ASCC3: variants seen among roughly 807,000 people sequenced by gnomAD.
ASCC3 encodes ASC-1 complex subunit P200.
A neutral mutation model predicts 256.3 loss-of-function variants in ASCC3; 158 were observed. That is an observed-to-expected ratio of 0.62 (90% CI 0.54 to 0.70). The LOEUF (loss-of-function observed/expected upper bound fraction) is 0.70, where lower values mean the gene tolerates loss of function less well. Ranked by LOEUF, ASCC3 falls within the 30% of genes least tolerant of loss-of-function variation. The probability of loss-of-function intolerance (pLI) is 0.00; values close to 1 mark genes in which losing one functional copy is unlikely to be tolerated. For synonymous variants in ASCC3, 948 were observed against 883.4 expected (o/e 1.07, Z -1.30); for missense variants, 2,259 against 2,626.0 (o/e 0.86, Z 3.05).
At chr6:100,602,209 T>G (rs1253847409) in intron 33 of ASCC3, among the ~76,000 whole-genome samples, 1 of 151,876 alleles carries the variant, frequency 6.6e-6, no homozygotes, top group Non-Finnish European at 1.5e-5. Flanking sequence ...CACCAGTACA[T>G]ATATGTGTTC....
intron 10 of ASCC3, among the ~76,000 whole-genome samples, chr6:100,742,798 G>C (rs931322335): frequency 2.6e-5 from 4 of 152,184 alleles, no homozygotes; most frequent in African/African-American, 9.6e-5. Context: ...ACTCCATCCT[G>C]TTTCAGGTAG....
At chr6:100,532,408 T>TATA (rs1562098670) in intron 37 of ASCC3, among the ~76,000 whole-genome samples, 302 of 37,158 alleles carry the variant, frequency 8.1e-3, no homozygotes, top group African/African-American at 0.023. Flanking sequence ...ATATATATAT[T>TATA]TTTTTTTTTT....
At position 100,629,064 on chromosome 6, in the gene ASCC3, G is replaced by C; in HGVS notation, c.4326C>G (p.Asn1442Lys). 1 of 1,613,720 alleles carries C rather than the reference G, an allele frequency of 6.2e-7. No homozygotes were observed. Among genetic ancestry groups the C allele is most frequent in the Admixed American group, 1.7e-5 (1 of 59,944 alleles). The part of the protein sequence containing the change: ...DGVSRSWQNR[N>K]YVQQVTILII... ...TGAGAATAGTGACTTGCTGAACATAGTTCCTATTTTGCCAGCTTCTGCTGA... is the reference window on the plus strand; with the variant it reads ...TGAGAATAGTGACTTGCTGAACATACTTCCTATTTTGCCAGCTTCTGCTGA... The change falls in exon 27 of 42, where the codon AAC becomes AAG. Residue 1442 changes from asparagine (N) to lysine (K), a missense_variant. Coordinates refer to ENST00000369162, the MANE Select transcript of ASCC3 (RefSeq NM_006828.4).
chr6:100,510,244 A>G, intron 40 of ASCC3, 137 bp from the exon 41 acceptor site: 1 of 922,674 alleles, frequency 1.1e-6, no homozygotes, highest in Non-Finnish European at 1.7e-6. Context: ...GATGTTTTAA[A>G]TTTTCTTCCA....
intron 3 of ASCC3, among the ~76,000 whole-genome samples, chr6:100,853,203 G>A (rs536452759): frequency 1.3e-3 from 200 of 152,132 alleles, no homozygotes; most frequent in Middle Eastern, 0.01. Context: ...TAAAATCAAA[G>A]AGTTAAATGG....
At chr6:100,834,417 C>T (rs76494678) in intron 4 of ASCC3, among the ~76,000 whole-genome samples, 1,927 of 152,236 alleles carry the variant, frequency 0.013, 19 homozygotes, top group East Asian at 0.044. Context: ...ATTAGAAGAC[C>T]TTTAGGCTTA....
chr6:100,801,832 A>G (rs1471959684), intron 5 of ASCC3, among the ~76,000 whole-genome samples: 3 of 151,478 alleles, frequency 2.0e-5, no homozygotes, highest in Non-Finnish European at 4.4e-5. Context: ...AACTCTTCAT[A>G]AAAGTTAACT....
intron 34 of ASCC3, among the ~76,000 whole-genome samples, chr6:100,594,987 C>A (rs1772210657): frequency 6.6e-6 from 1 of 151,666 alleles, no homozygotes; most frequent in South Asian, 2.1e-4. Context: ...ATATGTGGAA[C>A]CTAAAAAAGT....
intron 33 of ASCC3, among the ~76,000 whole-genome samples, chr6:100,604,679 C>G (rs1158388385): frequency 6.6e-6 from 1 of 151,854 alleles, no homozygotes; most frequent in Non-Finnish European, 1.5e-5. Context: ...CTCCTGGCCT[C>G]AAGCAATTCT....
At chr6:100,743,028 T>C (rs1582795037) in intron 10 of ASCC3, among the ~76,000 whole-genome samples, 1 of 152,224 alleles carries the variant, frequency 6.6e-6, no homozygotes, top group South Asian at 2.1e-4. Context: ...GAGTGGCTGC[T>C]CTGCCAAGAC....
chr6:100,620,501 T>A (rs189426433), intron 30 of ASCC3, among the ~76,000 whole-genome samples: 11 of 152,322 alleles, frequency 7.2e-5, no homozygotes, highest in African/African-American at 2.6e-4. Context: ...AGAACACATA[T>A]ACTCTTCTTA....
intron 39 of ASCC3, 99 bp downstream of exon 39, chr6:100,516,081 G>A (rs758293645): frequency 1.9e-5 from 27 of 1,425,694 alleles, no homozygotes; most frequent in Non-Finnish European, 2.7e-5. Flanking sequence ...TTTAACTCAA[G>A]GTGAGCCTGG....
At chr6:100,659,137 C>A (rs1776065048) in intron 16 of ASCC3, among the ~76,000 whole-genome samples, 1 of 151,284 alleles carries the variant, frequency 6.6e-6, no homozygotes, top group South Asian at 2.1e-4. Flanking sequence ...AGAATTGATA[C>A]TCATGATATC....
intron 25 of ASCC3, among the ~76,000 whole-genome samples, chr6:100,632,790 G>A (rs1030456610): frequency 8.6e-5 from 13 of 152,010 alleles, no homozygotes; most frequent in African/African-American, 2.9e-4. Context: ...AAGAACTACT[G>A]CCATACACCA....
chr6:100,790,804 C>A (rs1466121329), intron 8 of ASCC3, among the ~76,000 whole-genome samples: 2 of 151,894 alleles, frequency 1.3e-5, no homozygotes, highest in Non-Finnish European at 1.5e-5. Context: ...TAGTTAGAGG[C>A]AGATGTTAGT....
chr6:100,530,267 G>T, intron 37 of ASCC3: 1 of 1,173,932 alleles, frequency 8.5e-7, no homozygotes, highest in East Asian at 2.3e-5. Flanking sequence ...AGGCCTGGAG[G>T]ACACCAACAT....
At chr6:100,583,588 T>A (rs1771448062) in intron 36 of ASCC3, among the ~76,000 whole-genome samples, 1 of 152,230 alleles carries the variant, frequency 6.6e-6, no homozygotes, top group Non-Finnish European at 1.5e-5. Flanking sequence ...TCTATTTCCT[T>A]GAGTTCTACT....
At chr6:100,759,254 T>C (rs1343187372) in intron 10 of ASCC3, among the ~76,000 whole-genome samples, 1 of 152,208 alleles carries the variant, frequency 6.6e-6, no homozygotes, top group Non-Finnish European at 1.5e-5. Context: ...TAGATCCCAT[T>C]TGTCAATTTT....
chr6:100,854,301 A>G (rs1174009466), intron 3 of ASCC3, among the ~76,000 whole-genome samples: 3 of 152,136 alleles, frequency 2.0e-5, no homozygotes, highest in East Asian at 1.9e-4. Flanking sequence ...TAATTTTAAA[A>G]TTGCCTAAGT....
Sources: allele counts gnomAD v4.1 joint callset (sites outside exome capture counted in the v4.1 genomes callset), GRCh38; gene constraint gnomAD v4.1.1; transcripts MANE v1.5; gene names NCBI Gene and HGNC (gene_info 2026-07-23, HGNC 2026-07-21).